Variants in ZNF385B observed in about 807,000 individuals in gnomAD.
The protein encoded by ZNF385B is zinc finger protein 385B.
In ZNF385B, 23 loss-of-function variants were observed where a neutral mutation model predicts 39.2. The observed-to-expected ratio is 0.59, with a 90% CI of 0.42 to 0.83. The LOEUF is 0.83. ZNF385B is among the 40% of genes least tolerant of loss of function. The pLI, the probability that ZNF385B is intolerant of heterozygous loss-of-function variation, is 0.00. For synonymous variants in ZNF385B, 205 were observed against 222.6 expected, an observed-to-expected ratio of 0.92 and a Z score of 0.70; for missense variants, 552 against 598.9, an observed-to-expected ratio of 0.92 and a Z score of 0.82.
chr2:179,652,561 A>G, intron 3 of ZNF385B, among the ~76,000 whole-genome samples: 1 of 151,888 alleles, frequency 6.6e-6, no homozygotes, highest in East Asian at 1.9e-4. Flanking sequence ...TATTACCATA[A>G]CTCTCAGTCA....
At chr2:179,856,020 G>A (rs969076283) in intron 1 of ZNF385B, among the ~76,000 whole-genome samples, 1 of 152,104 alleles carries the variant, frequency 6.6e-6, no homozygotes, top group Non-Finnish European at 1.5e-5. Flanking sequence ...AGGTACTATA[G>A]TTCTCCATCC....
chr2:179,856,976 G>A (rs1684655139), intron 1 of ZNF385B, among the ~76,000 whole-genome samples: 1 of 152,146 alleles, frequency 6.6e-6, no homozygotes, highest in East Asian at 1.9e-4. Context: ...ACTGCACCTT[G>A]CTTCTCAAAG....
chr2:179,513,906 T>C (rs1574539998), intron 5 of ZNF385B, among the ~76,000 whole-genome samples: 2 of 152,312 alleles, frequency 1.3e-5, no homozygotes, highest in Admixed American at 1.3e-4. Context: ...ATGTCCTAGC[T>C]CTGCCATTTA....
At chr2:179,695,381 C>T (rs1306939835) in intron 3 of ZNF385B, among the ~76,000 whole-genome samples, 5 of 151,754 alleles carry the variant, frequency 3.3e-5, no homozygotes, top group Non-Finnish European at 7.4e-5. Context: ...CAAATGACAC[C>T]ATCAAGAAAG....
At chr2:179,773,099 G>C (rs1704106955) in intron 1 of ZNF385B, among the ~76,000 whole-genome samples, 1 of 152,122 alleles carries the variant, frequency 6.6e-6, no homozygotes, top group Admixed American at 6.5e-5. Flanking sequence ...CAATCCGTCA[G>C]GAAATTTTCC....
rs1708083172 is a variant in ZNF385B at position 179,833,361 on chromosome 2, A to G, written c.-155+27740T>C. On this transcript the variant is annotated intron_variant, in intron 1 of 9. Coordinates refer to ENST00000410066, the MANE Select transcript of ZNF385B (RefSeq NM_152520.6). ...GGTAGCTAGAAAAACACTGCTCTAT[A>G]GATGATGTATACCTAAAAAAACAAT... 2.0e-5 allele frequency among the ~76,000 whole-genome samples: 3 copies of G among 152,320 alleles called. No individual in the cohort carries two copies. The South Asian group carries it at 6.2e-4, about 32-fold the overall frequency.
chr2:179,816,873 A>G (rs1429534603), intron 1 of ZNF385B, among the ~76,000 whole-genome samples: 1 of 152,164 alleles, frequency 6.6e-6, no homozygotes, highest in Non-Finnish European at 1.5e-5. Context: ...CCAACGGACC[A>G]GTGTGGTTTA....
chr2:179,735,251 C>T (rs1223242726), intron 3 of ZNF385B, among the ~76,000 whole-genome samples: 2 of 149,890 alleles, frequency 1.3e-5, no homozygotes, highest in South Asian at 2.1e-4. Flanking sequence ...CAAAAGAAGA[C>T]ATTTATGCAG....
At chr2:179,630,905 G>A (rs1230713175) in intron 3 of ZNF385B, among the ~76,000 whole-genome samples, 4 of 152,140 alleles carry the variant, frequency 2.6e-5, no homozygotes, top group Non-Finnish European at 5.9e-5. Flanking sequence ...TGATCAAGTG[G>A]AAGAAAGGAT....
intron 4 of ZNF385B, among the ~76,000 whole-genome samples, chr2:179,542,325 G>T (rs185660102): frequency 7.2e-5 from 11 of 152,204 alleles, no homozygotes; most frequent in African/African-American, 2.6e-4. Flanking sequence ...TACTAGAAGG[G>T]CTCCTGTTTG....
intron 3 of ZNF385B, among the ~76,000 whole-genome samples, chr2:179,615,508 G>A (rs1410422929): frequency 6.6e-6 from 1 of 152,168 alleles, no homozygotes; most frequent in African/African-American, 2.4e-5. Flanking sequence ...AACTACTTCT[G>A]TATTAGGTAT....
At chr2:179,577,451 T>G (rs780195122) in intron 3 of ZNF385B, among the ~76,000 whole-genome samples, 5 of 152,128 alleles carry the variant, frequency 3.3e-5, no homozygotes, top group Non-Finnish European at 7.4e-5. Flanking sequence ...GTTCCTTTTC[T>G]TCTGTAAGAC....
chr2:179,845,088 A>T (rs954214822), intron 1 of ZNF385B, among the ~76,000 whole-genome samples: 1 of 152,206 alleles, frequency 6.6e-6, no homozygotes, highest in Admixed American at 6.5e-5. Flanking sequence ...ATCTCAATCC[A>T]GAAACTACTC....
At chr2:179,788,307 C>A (rs893515907) in intron 1 of ZNF385B, among the ~76,000 whole-genome samples, 4 of 152,124 alleles carry the variant, frequency 2.6e-5, no homozygotes, top group African/African-American at 9.7e-5. Context: ...GGTCCTTTGG[C>A]AGGTTCTTAT....
chr2:179,767,002 G>A (rs1703738095), intron 3 of ZNF385B, among the ~76,000 whole-genome samples: 1 of 152,248 alleles, frequency 6.6e-6, no homozygotes, highest in South Asian at 2.1e-4. Flanking sequence ...CAAGAGGAAT[G>A]TTCATTCTCA....
chr2:179,669,287 G>A (rs986094050), intron 3 of ZNF385B, among the ~76,000 whole-genome samples: 3 of 152,148 alleles, frequency 2.0e-5, no homozygotes, highest in Admixed American at 2.0e-4. Flanking sequence ...TTTAATCACA[G>A]ACTGTCCATC....
intron 3 of ZNF385B, among the ~76,000 whole-genome samples, chr2:179,646,336 T>C (rs1692716379): frequency 6.6e-6 from 1 of 152,286 alleles, no homozygotes. Context: ...AGCTTGAACC[T>C]GGGAGGCAGA....
chr2:179,572,397 T>C (rs1685323703), intron 3 of ZNF385B, among the ~76,000 whole-genome samples: 1 of 151,996 alleles, frequency 6.6e-6, no homozygotes, highest in Non-Finnish European at 1.5e-5. Flanking sequence ...AGAGTGCTAG[T>C]GTGGCAATAG....
chr2:179,650,904 T>A (rs1693137404), intron 3 of ZNF385B, among the ~76,000 whole-genome samples: 2 of 152,154 alleles, frequency 1.3e-5, no homozygotes, highest in African/African-American at 4.8e-5. Context: ...AGACAATTGA[T>A]ACAATCATAC....
Sources: allele counts gnomAD v4.1 joint callset (sites outside exome capture counted in the v4.1 genomes callset), GRCh38; gene constraint gnomAD v4.1.1; transcripts MANE v1.5; gene names NCBI Gene and HGNC (gene_info 2026-07-23, HGNC 2026-07-21).